Variants in RAPGEF5 observed in about 807,000 individuals in gnomAD.
RAPGEF5 encodes M-Ras-regulated GEF.
Under a neutral mutation model 125.2 loss-of-function variants are expected in RAPGEF5, and 65 were observed. The ratio of observed to expected loss-of-function variants is 0.52; its 90% CI spans 0.43 to 0.64. The LOEUF (loss-of-function observed/expected upper bound fraction) is 0.64, where lower values mean the gene tolerates loss of function less well. Among genes scored for constraint, RAPGEF5 ranks in the 30% least tolerant of loss-of-function variants. The pLI is 0.00. For synonymous variants in RAPGEF5, 391 were observed against 385.9 expected (o/e 1.01, Z -0.16); for missense variants, 958 against 1,048.1 (o/e 0.91, Z 1.19).
intron 11 of RAPGEF5, among the ~76,000 whole-genome samples, chr7:22,190,195 G>A (rs1388052350): frequency 2.0e-5 from 3 of 152,054 alleles, no homozygotes; most frequent in South Asian, 4.2e-4. Context: ...CAGGAGAATC[G>A]CTTGAACCCG....
chr7:22,189,531 T>A (rs1784926806), intron 11 of RAPGEF5, among the ~76,000 whole-genome samples: 2 of 152,194 alleles, frequency 1.3e-5, no homozygotes, highest in Non-Finnish European at 2.9e-5. Context: ...TTTTCTTTCT[T>A]ACCTTCCTCG....
intron 5 of RAPGEF5, among the ~76,000 whole-genome samples, chr7:22,304,489 T>G (rs1783286844): frequency 6.6e-6 from 1 of 152,220 alleles, no homozygotes; most frequent in African/African-American, 2.4e-5. Flanking sequence ...AATTTTTCAT[T>G]TTTAGAAATT....
chr7:22,216,489 C>T lies in RAPGEF5; in HGVS notation c.996+3377G>A, dbSNP rs979939031. ...GCTGTCCCCTGCCTTCTTCTATGAC[C>T]ATTAGTCATTCTTCAGGGTCAAGCT... On this transcript the variant is annotated intron_variant, in intron 9 of 25. Coordinates refer to ENST00000665637, the MANE Select transcript of RAPGEF5 (RefSeq NM_012294.5). Among the ~76,000 whole-genome samples, 4 of 152,192 alleles carry T rather than the reference C, an allele frequency of 2.6e-5. No homozygotes were observed. In the South Asian group the frequency reaches 6.2e-4, roughly 24 times the overall value.
At chr7:22,158,443 G>A (rs543041550) in intron 14 of RAPGEF5, among the ~76,000 whole-genome samples, 1 of 152,136 alleles carries the variant, frequency 6.6e-6, no homozygotes, top group South Asian at 2.1e-4. Flanking sequence ...CAGTACTGGG[G>A]CCAATTTCAT....
chr7:22,156,979 C>G, intron 15 of RAPGEF5, 91 bp from the exon 16 acceptor site: 1 of 1,527,364 alleles, frequency 6.5e-7, no homozygotes, highest in Non-Finnish European at 8.8e-7. Context: ...AAAGAACTAG[C>G]CAAATTTTTT....
intron 6 of RAPGEF5, among the ~76,000 whole-genome samples, chr7:22,282,724 C>A (rs1782702392): frequency 6.6e-6 from 1 of 152,170 alleles, no homozygotes; most frequent in South Asian, 2.1e-4. Context: ...ATTAGCCATT[C>A]TTAGCCTCTT....
chr7:22,235,905 AAAGG>A (rs1274464393), intron 7 of RAPGEF5, among the ~76,000 whole-genome samples: 6 of 152,230 alleles, frequency 3.9e-5, no homozygotes, highest in African/African-American at 1.4e-4. Flanking sequence ...CATTCTTTAA[AAAGG>A]AAGAAAAAAG....
At chr7:22,274,936 G>T (rs145111130) in intron 6 of RAPGEF5, among the ~76,000 whole-genome samples, 7 of 152,098 alleles carry the variant, frequency 4.6e-5, no homozygotes, top group African/African-American at 1.2e-4. Flanking sequence ...CATATATAGC[G>T]TTCTTCTGGT....
At chr7:22,173,984 C>T (rs550891119) in intron 11 of RAPGEF5, among the ~76,000 whole-genome samples, 56 of 152,208 alleles carry the variant, frequency 3.7e-4, no homozygotes, top group Non-Finnish European at 5.7e-4. Context: ...GGAAATCTAA[C>T]GGGGTAGCCT....
At chr7:22,273,637 G>A (rs1782493615) in intron 6 of RAPGEF5, among the ~76,000 whole-genome samples, 1 of 152,208 alleles carries the variant, frequency 6.6e-6, no homozygotes, top group African/African-American at 2.4e-5. Context: ...GAAGTGATCT[G>A]AAACTAACAA....
At chr7:22,193,618 C>T (rs1238500326) in intron 10 of RAPGEF5, 163 bp from the exon 11 acceptor site, 1 of 1,550,874 alleles carries the variant, frequency 6.4e-7, no homozygotes, top group Admixed American at 2.0e-5. Flanking sequence ...GGAATCTTTC[C>T]TCTCCAAATG....
At chr7:22,336,840 T>C (rs1290198901) in intron 1 of RAPGEF5, among the ~76,000 whole-genome samples, 10 of 152,160 alleles carry the variant, frequency 6.6e-5, no homozygotes, top group Non-Finnish European at 1.3e-4. Flanking sequence ...GTGAGCCTAA[T>C]TTTTCGTGGC....
chr7:22,175,166 A>G (rs1157620247), intron 11 of RAPGEF5, among the ~76,000 whole-genome samples: 1 of 152,186 alleles, frequency 6.6e-6, no homozygotes, highest in African/African-American at 2.4e-5. Context: ...AACCAACAAG[A>G]AAGAAAAGGA....
chr7:22,166,060 T>A (rs1784152313), intron 12 of RAPGEF5, among the ~76,000 whole-genome samples: 1 of 147,102 alleles, frequency 6.8e-6, no homozygotes, highest in Non-Finnish European at 1.5e-5. Flanking sequence ...ATTATATATA[T>A]ATTATATACA....
At chr7:22,136,810 C>G (rs1402694305) in intron 22 of RAPGEF5, 123 bp downstream of exon 22, 5 of 804,900 alleles carry the variant, frequency 6.2e-6, no homozygotes, top group Non-Finnish European at 9.9e-6. Context: ...GTTTCATATA[C>G]AAGTAAACTA....
At chr7:22,166,665 T>C (rs145964886) in intron 12 of RAPGEF5, among the ~76,000 whole-genome samples, 1 of 152,214 alleles carries the variant, frequency 6.6e-6, no homozygotes, top group African/African-American at 2.4e-5. Flanking sequence ...TTATATCACA[T>C]ATGTGCATTT....
chr7:22,262,956 C>A (rs1185261452), intron 7 of RAPGEF5, among the ~76,000 whole-genome samples: 3 of 152,158 alleles, frequency 2.0e-5, no homozygotes, highest in South Asian at 2.1e-4. Flanking sequence ...CAGAGTGAGA[C>A]CCTGTCTCAA....
chr7:22,229,203 A>G (rs557860806), intron 8 of RAPGEF5, among the ~76,000 whole-genome samples: 5 of 152,298 alleles, frequency 3.3e-5, no homozygotes, highest in African/African-American at 9.6e-5. Context: ...GGAGTTTCTT[A>G]AGCAGAAAAG....
At chr7:22,135,361 T>A (rs1262841986) in intron 23 of RAPGEF5, among the ~76,000 whole-genome samples, 1 of 152,216 alleles carries the variant, frequency 6.6e-6, no homozygotes, top group Admixed American at 6.5e-5. Context: ...ATGTCAGCGG[T>A]ATACACCAGA....
Sources: gnomAD v4.1 joint callset for allele counts (sites outside exome capture counted in the v4.1 genomes callset) on GRCh38, gnomAD v4.1.1 for gene constraint, MANE v1.5 for transcripts, NCBI Gene and HGNC (gene_info 2026-07-23, HGNC 2026-07-21) for gene names.